The following DOT1L variants were observed in gnomAD, a reference collection of about 807,000 sequenced individuals.
DOT1L encodes the protein DOT1 like histone lysine methyltransferase, also known as histone-lysine N-methyltransferase, H3 lysine-79 specific.
Under a neutral mutation model 153.3 loss-of-function variants are expected in DOT1L, and 33 were observed. The ratio of observed to expected loss-of-function variants is 0.22; its 90% confidence interval spans 0.16 to 0.29. The LOEUF is 0.29. Ranked by LOEUF, DOT1L falls within the 10% of genes least tolerant of loss-of-function variation. DOT1L has a pLI of 1.00. For synonymous variants in DOT1L, 1,135 were observed against 965.1 expected, an observed-to-expected ratio of 1.18 and a Z score of -3.26; for missense variants, 1,847 against 2,119.9, an observed-to-expected ratio of 0.87 and a Z score of 2.53.
At chr19:2,210,164 TG>T (rs1266795209) in intron 12 of DOT1L, among the ~76,000 whole-genome samples, 1 of 152,224 alleles carries the variant, frequency 6.6e-6, no homozygotes, top group Non-Finnish European at 1.5e-5. Context: ...TCTGTGATTG[TG>T]GGAGTGGCTG....
chr19:2,227,207 T>A lies in DOT1L; in HGVS notation c.4606+80T>A, dbSNP rs760188386. On this transcript the variant is annotated intron_variant, in intron 27 of 27. Transcript: ENST00000398665. ...TTCCTTTGCAGGTTCCCTTCCGCAC[T>A]CTCTTGCAGCAGGAGCTGAGCTGCA... is the stretch of plus-strand genomic sequence containing the variant. 4.5e-5 allele frequency: 69 copies of A among 1,536,826 alleles called. 1 individual carries two copies. Among genetic ancestry groups the A allele is most frequent in the African/African-American group, 5.4e-5 (4 of 73,408 alleles).
In DOT1L at chr19:2,204,547, C is replaced by A. The variant is rs2023422594; in HGVS notation, c.787+1768C>A. On this transcript the variant is annotated intron_variant, in intron 9 of 27. Transcript: ENST00000398665. The surrounding 1 kb of genome is among the most constrained non-coding windows in gnomAD (Gnocchi z 5.7). ...GTCACCCCCTCCATGGTCCTCGTAC[C>A]CGCTGCCCTAGAACGCCTCTTCTGG... 6.6e-6 allele frequency among the ~76,000 whole-genome samples: 1 copy of A among 152,178 alleles called. No individual in the cohort carries two copies. The highest frequency in any genetic ancestry group is 2.4e-5 in the African/African-American group (1 of 41,446).
rs17748398 is a variant in DOT1L, at chr19:2,184,033, G to A, written c.126-1822G>A. The stretch of plus-strand genomic sequence containing the variant: ...CCCCTGCTGAGCTCTGGCGGTGTCC[G>A]CGCGTATTCCTCAGCACGCTCTGTG... On this transcript the variant is annotated intron_variant, in intron 2 of 27. Coordinates refer to ENST00000398665, the MANE Select transcript of DOT1L (RefSeq NM_032482.3). Among the ~76,000 whole-genome samples, 1,238 of 152,274 alleles carry A rather than the reference G, an allele frequency of 8.1e-3. 9 individuals are homozygous for A. Among genetic ancestry groups the A allele is most frequent in the Non-Finnish European group, 0.013 (898 of 68,026 alleles).
At chr19:2,196,001 G>T (rs1568344633) in intron 7 of DOT1L, among the ~76,000 whole-genome samples, 1 of 152,216 alleles carries the variant, frequency 6.6e-6, no homozygotes, top group African/African-American at 2.4e-5. Context: ...CTGTGTGCCC[G>T]CCCGTCTGCC....
In DOT1L at chr19:2,222,175, C is replaced by A; in HGVS notation, c.3006C>A (p.Pro1002=). Residue 1002 remains proline (P), a synonymous_variant, in exon 24 of 28, where the codon CCC becomes CCA. Transcript: ENST00000398665. The surrounding 1 kb of genome is among the most constrained non-coding windows in gnomAD (Gnocchi z 6.5). The part of the protein sequence containing the change: ...AQPRNSLPAS[P]AHQLSSSPRL... Reference sequence around the variant, plus strand: ...CCCGGAACTCGCTTCCTGCCTCTCCCGCCCACCAGCTCTCCTCCAGTCCCC... The same window carrying A: ...CCCGGAACTCGCTTCCTGCCTCTCCAGCCCACCAGCTCTCCTCCAGTCCCC... 1 of 1,613,128 alleles carries A rather than the reference C, an allele frequency of 6.2e-7. No individual in the cohort carries two copies. The highest frequency in any genetic ancestry group is 8.5e-7 in the Non-Finnish European group (1 of 1,179,864).
chr19:2,189,388 G>C (rs1476304244), intron 3 of DOT1L, among the ~76,000 whole-genome samples: 1 of 152,190 alleles, frequency 6.6e-6, no homozygotes, highest in African/African-American at 2.4e-5. Context: ...TTCCCACTTG[G>C]GGGGCTGGCC....
intron 3 of DOT1L, among the ~76,000 whole-genome samples, chr19:2,187,184 C>G (rs952141347): frequency 6.6e-6 from 1 of 152,226 alleles, no homozygotes; most frequent in Non-Finnish European, 1.5e-5. Flanking sequence ...CCTAGAAGTT[C>G]CCAGGGATCA....
At position 2,213,862 on chromosome 19, in the gene DOT1L, C is replaced by T. The variant is rs1204733528; in HGVS notation, c.1673C>T (p.Ala558Val). Residue 558 changes from alanine (A) to valine (V), a missense_variant, in exon 18 of 28, where the codon GCG becomes GTG. By Grantham distance (64) the Ala-to-Val change is moderately conservative. This residue lies in a region of DOT1L where 156 missense variants were observed against 235.7 expected (regional missense o/e 0.66). Transcript: ENST00000398665. ...CCATGTCCCCAGCTGGGTGTGAAGGCGCTGACCTACAACGACCTGATTCAA... is the reference window on the plus strand; with the variant it reads ...CCATGTCCCCAGCTGGGTGTGAAGGTGCTGACCTACAACGACCTGATTCAA... ...QQKLDELGVK[A>V]LTYNDLIQAQ... The T allele has an allele frequency of 3.1e-6, 5 of 1,613,148 alleles. No individual in the cohort carries two copies. The highest frequency in any genetic ancestry group is 4.2e-6 in the Non-Finnish European group (5 of 1,180,026).
chr19:2,218,610 G>C (rs979073047), intron 22 of DOT1L, among the ~76,000 whole-genome samples: 1 of 152,026 alleles, frequency 6.6e-6, no homozygotes, highest in African/African-American at 2.4e-5. Flanking sequence ...AGCCAGGATG[G>C]TCTTGATCTC....
chr19:2,216,814 C>G (rs1327844515), intron 20 of DOT1L, 49 bp downstream of exon 20: 3 of 1,559,456 alleles, frequency 1.9e-6, no homozygotes, highest in Non-Finnish European at 2.6e-6. Context: ...CCTGCCGACT[C>G]TGCCTGGTGT....
intron 1 of DOT1L, among the ~76,000 whole-genome samples, chr19:2,171,974 G>C (rs1321585024): frequency 6.6e-6 from 1 of 152,140 alleles, no homozygotes; most frequent in Non-Finnish European, 1.5e-5. Context: ...TGGTATCTCA[G>C]ACTCCAGGGA....
intron 1 of DOT1L, among the ~76,000 whole-genome samples, chr19:2,178,085 G>C (rs1210942443): frequency 6.6e-6 from 1 of 150,980 alleles, no homozygotes; most frequent in Non-Finnish European, 1.5e-5. Flanking sequence ...ACCATGCCCA[G>C]CTAATTTTTT....
chr19:2,223,212 G>T lies in DOT1L; in HGVS notation c.3391-69G>T, dbSNP rs138448008. 60 of 1,543,214 alleles carry T rather than the reference G, an allele frequency of 3.9e-5. No homozygotes were observed. In the Admixed American group the frequency reaches 6.9e-4, roughly 18 times the overall value. On this transcript the variant is annotated intron_variant, in intron 24 of 27. Coordinates refer to ENST00000398665, the MANE Select transcript of DOT1L (RefSeq NM_032482.3). ...GGTGCAGACAGGAGCCTCCTGGGGC[G>T]GGGGGGCTCTCCTGCCTTGGGGTCC...
In DOT1L at chr19:2,217,175, T is replaced by C. The variant is rs2023939606; in HGVS notation, c.2544+85T>C. The stretch of plus-strand genomic sequence containing the variant: ...GAGTTGCTAGCAGGAGGGCTTGTCC[T>C]AGTTGACCTTGGGGCACGGTGAGGT... On this transcript the variant is annotated intron_variant, in intron 21 of 27. Coordinates refer to ENST00000398665, the MANE Select transcript of DOT1L (RefSeq NM_032482.3). The surrounding 1 kb of genome is among the most constrained non-coding windows in gnomAD (Gnocchi z 7.3). The C allele has an allele frequency of 3.4e-6, 5 of 1,459,652 alleles. No individual in the cohort carries two copies. The South Asian group carries it at 4.2e-5, about 12-fold the overall frequency. The allele number at this position is 1,459,652 out of a possible 1,614,324, so 90.4% of individuals were successfully genotyped here. A position where few individuals can be genotyped will look rare whatever the true frequency, so the allele number is the denominator to read the frequency against.
rs773997638 is a variant in DOT1L at position 2,210,670 on chromosome 19, C to T, written c.1166C>T (p.Pro389Leu). The change falls in exon 14 of 28, where the codon CCG (proline) becomes CTG (leucine). Residue 389 changes from proline to leucine, a missense_variant. Pro to Leu is a moderately conservative substitution (Grantham distance 98). Coordinates refer to ENST00000398665, the MANE Select transcript of DOT1L (RefSeq NM_032482.3). ...GCGGGAGCAGCCACCGTGAAGAAGC[C>T]GTCTCCCTCCAAAGCCCGCAAGAAG... ...EKAGAATVKKPSPSKARKKKL... is the reference protein window; with the variant it reads ...EKAGAATVKKLSPSKARKKKL... The T allele has an allele frequency of 1.3e-5, 21 of 1,612,998 alleles. No homozygotes were observed. Among genetic ancestry groups the T allele is most frequent in the Admixed American group, 3.3e-5 (2 of 60,030 alleles).
In DOT1L at chr19:2,226,691, G is replaced by A. The variant is rs760384492; in HGVS notation, c.4170G>A (p.Gly1390=). The A allele has an allele frequency of 3.2e-6, 5 of 1,573,948 alleles. No homozygotes were observed. Among genetic ancestry groups the A allele is most frequent in the Non-Finnish European group, 4.3e-6 (5 of 1,164,426 alleles). ...KGEGSRGKEA[G]EGGLPLCGPT... is the part of the protein sequence containing the mutation. ...AGGGCAGCCGCGGCAAGGAGGCAGG[G>A]GAGGGCGGCCTACCGCTGTGCGGGC... Residue 1390 remains glycine (G), a synonymous_variant, in exon 27 of 28, where the codon GGG becomes GGA. Transcript: ENST00000398665.
Position 2,217,236 on chromosome 19 carries a change from G to A in DOT1L, c.2544+146G>A, listed in dbSNP as rs2023942760. Reference sequence around the variant, plus strand: ...ACCTGGAGTAGGATGTTGTGGCAGAGTTGGGGGCAACCAGTAAGGACAGGT... The same window carrying A: ...ACCTGGAGTAGGATGTTGTGGCAGAATTGGGGGCAACCAGTAAGGACAGGT... On this transcript the variant is annotated intron_variant, in intron 21 of 27. Coordinates refer to ENST00000398665, the MANE Select transcript of DOT1L (RefSeq NM_032482.3). The surrounding 1 kb of genome is among the most constrained non-coding windows in gnomAD (Gnocchi z 7.3). The A allele has an allele frequency of 3.1e-5, 38 of 1,211,334 alleles. 1 individual carries two copies. In the South Asian group the frequency reaches 5.9e-4, roughly 19 times the overall value. The allele number at this position is 1,211,334 out of a possible 1,614,324, so 75.0% of individuals were successfully genotyped here. A position where few individuals can be genotyped will look rare whatever the true frequency, so the allele number is the denominator to read the frequency against.
rs761370705 is a variant in DOT1L, at chr19:2,216,709, C to T, written c.2352C>T (p.His784=). The change falls in exon 20 of 28, where the codon CAC becomes CAT. Residue 784 remains histidine (H), a synonymous_variant. Coordinates refer to ENST00000398665, the MANE Select transcript of DOT1L (RefSeq NM_032482.3). ...LSPAKIVLRR[H]LSQDHTVPGR... ...CGGCCAAGATTGTGCTGAGGCGGCACCTGAGCCAGGACCACACGGTGCCCG... is the reference window on the plus strand; with the variant it reads ...CGGCCAAGATTGTGCTGAGGCGGCATCTGAGCCAGGACCACACGGTGCCCG... 1 of 1,601,750 alleles carries T rather than the reference C, an allele frequency of 6.2e-7. No individual in the cohort carries two copies. Among genetic ancestry groups the T allele is most frequent in the African/African-American group, 1.3e-5 (1 of 74,932 alleles).
At chr19:2,214,293 G>T (rs1462331052) in intron 18 of DOT1L, 178 bp from the exon 19 acceptor site, 3 of 1,097,224 alleles carry the variant, frequency 2.7e-6, no homozygotes, top group Admixed American at 2.8e-5. Context: ...ATCTGTCCGT[G>T]GGGGGCCCCA....
Sources: allele counts gnomAD v4.1 joint callset (sites outside exome capture counted in the v4.1 genomes callset), GRCh38; gene constraint gnomAD v4.1.1; regional missense constraint gnomAD v4.1.1; non-coding constraint Gnocchi (gnomAD v3.1); transcripts MANE v1.5; gene names NCBI Gene and HGNC (gene_info 2026-07-23, HGNC 2026-07-21).